CLVS1: variants seen among roughly 807,000 people sequenced by gnomAD.
The protein encoded by CLVS1 is clavesin 1.
Under a neutral mutation model 33.1 loss-of-function variants are expected in CLVS1, and 10 were observed. The observed-to-expected ratio is 0.30, with a 90% CI of 0.19 to 0.51. The LOEUF is 0.51. Among genes scored for constraint, CLVS1 ranks in the 20% least tolerant of loss-of-function variants. CLVS1 has a pLI of 0.97. For missense variants in CLVS1, 343 were observed against 433.4 expected (o/e 0.79, Z 1.85); for synonymous variants, 163 against 166.1 (o/e 0.98, Z 0.14).
intron 3 of CLVS1, among the ~76,000 whole-genome samples, chr8:61,419,101 A>T (rs1815552363): frequency 6.6e-6 from 1 of 152,224 alleles, no homozygotes; most frequent in Non-Finnish European, 1.5e-5. Context: ...AAGGCCACAA[A>T]TAAAAATCAT....
At chr8:61,246,873 G>A (rs1256763102) in intron 2 of CLVS1, among the ~76,000 whole-genome samples, 3 of 152,030 alleles carry the variant, frequency 2.0e-5, no homozygotes, top group Non-Finnish European at 4.4e-5. Context: ...TACATGTCAT[G>A]GGGGTTTGTT....
chr8:61,182,501 C>T (rs1372675688), intron 2 of CLVS1, among the ~76,000 whole-genome samples: 1 of 152,006 alleles, frequency 6.6e-6, no homozygotes, highest in East Asian at 1.9e-4. Context: ...AACAAACAAC[C>T]CCATCCAAAA....
At chr8:61,015,257 A>G in the CLVS1 span, among the ~76,000 whole-genome samples, 1 of 152,234 alleles carries the variant, frequency 6.6e-6, no homozygotes, top group African/African-American at 2.4e-5. Flanking sequence ...ATTTACTAGT[A>G]TTAGCCCCAC....
At chr8:61,009,271 C>G in the CLVS1 span, among the ~76,000 whole-genome samples, 2 of 152,196 alleles carry the variant, frequency 1.3e-5, no homozygotes, top group South Asian at 4.2e-4. Flanking sequence ...ACGTAGCCTC[C>G]TGAGTAGCTG....
chr8:61,372,165 C>A (rs1736719571), intron 2 of CLVS1, among the ~76,000 whole-genome samples: 1 of 152,012 alleles, frequency 6.6e-6, no homozygotes, highest in Non-Finnish European at 1.5e-5. Flanking sequence ...ATTGTGATTG[C>A]AGGCAATAAA....
intron 5 of CLVS1, among the ~76,000 whole-genome samples, chr8:61,478,225 C>A (rs1371330465): frequency 1.3e-5 from 2 of 152,146 alleles, no homozygotes; most frequent in Non-Finnish European, 2.9e-5. Flanking sequence ...CTGAGGAGTG[C>A]TGTACTTCCA....
intron 2 of CLVS1, among the ~76,000 whole-genome samples, chr8:61,218,759 A>G (rs1030921961): frequency 4.9e-5 from 7 of 143,708 alleles, no homozygotes; most frequent in African/African-American, 1.9e-4. Context: ...ACATGGTGAA[A>G]CTCCATCTCT....
intron 3 of CLVS1, among the ~76,000 whole-genome samples, chr8:61,405,591 T>C (rs1814954685): frequency 6.6e-6 from 1 of 151,846 alleles, no homozygotes; most frequent in Non-Finnish European, 1.5e-5. Context: ...CTAAGTAACA[T>C]AACAGGGCCC....
At chr8:61,162,039 G>A (rs1266116485) in intron 2 of CLVS1, among the ~76,000 whole-genome samples, 2 of 151,800 alleles carry the variant, frequency 1.3e-5, no homozygotes, top group Non-Finnish European at 2.9e-5. Flanking sequence ...GCAAATGTTT[G>A]GATAATAGCA....
At chr8:61,261,975 CGTGTGTGT>C (rs57278209) in intron 2 of CLVS1, among the ~76,000 whole-genome samples, 1,980 of 110,990 alleles carry the variant, frequency 0.018, 41 homozygotes, top group African/African-American at 0.052. Context: ...CTCATTGCTG[CGTGTGTGT>C]GTGTGTGTGT....
At chr8:61,460,367 C>T (rs1817329501) in intron 5 of CLVS1, among the ~76,000 whole-genome samples, 1 of 152,004 alleles carries the variant, frequency 6.6e-6, no homozygotes, top group Admixed American at 6.6e-5. Flanking sequence ...GTGACAATAC[C>T]AGCCATTTAG....
chr8:61,149,531 G>A (rs1169699032), intron 2 of CLVS1, among the ~76,000 whole-genome samples: 32 of 111,010 alleles, frequency 2.9e-4, no homozygotes, highest in African/African-American at 7.1e-5. Flanking sequence ...CAGCCTAGGC[G>A]ACAGAACGAG....
the CLVS1 span, among the ~76,000 whole-genome samples, chr8:60,991,742 C>CTATTT: frequency 7.4e-6 from 1 of 134,260 alleles, no homozygotes; most frequent in African/African-American, 2.8e-5. Flanking sequence ...TCAAGCCCCA[C>CTATTT]TCTTTTTTTT....
intron 3 of CLVS1, among the ~76,000 whole-genome samples, chr8:61,423,914 G>T (rs1004801393): frequency 6.6e-6 from 1 of 151,974 alleles, no homozygotes; most frequent in Non-Finnish European, 1.5e-5. Context: ...ATGTGGCAAA[G>T]GTATGTAATT....
At chr8:61,377,818 G>A (rs1813706457) in intron 3 of CLVS1, 1 of 152,174 alleles carries the variant, frequency 6.6e-6, no homozygotes. Context: ...TTTCCCAGAG[G>A]AGGAGAAGTA....
the CLVS1 span, among the ~76,000 whole-genome samples, chr8:61,033,028 A>G: frequency 2.7e-3 from 324 of 119,418 alleles, no homozygotes; most frequent in African/African-American, 0.011. Flanking sequence ...AAAGAAAGAA[A>G]GAAAGAAAGA....
chr8:61,266,919 TGCCTGGTGAATCCCA>T (rs1291334660), intron 2 of CLVS1, among the ~76,000 whole-genome samples: 1 of 152,238 alleles, frequency 6.6e-6, no homozygotes. Context: ...TCAACCCGTA[TGCCTGGTGAATCCCA>T]ATGCTTGTTG....
chr8:61,040,008 T>C, the CLVS1 span, among the ~76,000 whole-genome samples: 1 of 152,192 alleles, frequency 6.6e-6, no homozygotes, highest in Non-Finnish European at 1.5e-5. Context: ...TCACTCCTTC[T>C]AGTAGTCCTC....
At position 61,350,365 on chromosome 8, in the gene CLVS1, C is replaced by G. The variant is rs569932070; in HGVS notation, c.456-26240C>G. On this transcript the variant is annotated intron_variant, in intron 2 of 5. Coordinates refer to ENST00000325897, the MANE Select transcript of CLVS1 (RefSeq NM_173519.3). ...CACCCAATACATTTTCTTCAATTCT[C>G]TCTATCTCCCAAGTGAGCTATTTCT... 4.6e-5 allele frequency among the ~76,000 whole-genome samples: 7 copies of G among 152,294 alleles called. No homozygotes were observed. In the South Asian group the frequency reaches 1.5e-3, roughly 32 times the overall value.
Sources: allele counts gnomAD v4.1 joint callset (sites outside exome capture counted in the v4.1 genomes callset), GRCh38; gene constraint gnomAD v4.1.1; transcripts MANE v1.5; gene names NCBI Gene and HGNC (gene_info 2026-07-23, HGNC 2026-07-21).